The following GALNT10 variants were observed in gnomAD, a reference collection of about 807,000 sequenced individuals.
The protein encoded by GALNT10 is GalNAc transferase 10.
In GALNT10, 41 loss-of-function variants were observed where a neutral mutation model predicts 75.0. The observed-to-expected ratio is 0.55, with a 90% confidence interval of 0.43 to 0.71. The LOEUF is 0.71. Among genes scored for constraint, GALNT10 ranks in the 30% least tolerant of loss-of-function variants. The pLI is 0.00. For synonymous variants in GALNT10, 302 were observed against 313.0 expected (o/e 0.96, Z 0.37); for missense variants, 727 against 818.5 (o/e 0.89, Z 1.36).
At chr5:154,208,436 T>G (rs1775143288) in intron 1 of GALNT10, among the ~76,000 whole-genome samples, 1 of 152,258 alleles carries the variant, frequency 6.6e-6, no homozygotes, top group Non-Finnish European at 1.5e-5. Flanking sequence ...AGCTCTGCCC[T>G]TTACTAGCTG....
chr5:154,386,252 C>A, intron 6 of GALNT10, 61 bp from the exon 7 acceptor site: 2 of 1,198,112 alleles, frequency 1.7e-6, no homozygotes, highest in South Asian at 1.3e-5. Context: ...ATTATCGGGC[C>A]ACATGAGAGC....
At chr5:154,276,158 A>C (rs1420670790) in intron 1 of GALNT10, among the ~76,000 whole-genome samples, 1 of 152,208 alleles carries the variant, frequency 6.6e-6, no homozygotes, top group African/African-American at 2.4e-5. Context: ...AGGGTCTGAC[A>C]AGGCCAAAAT....
At chr5:154,386,850 C>CAA (rs1755816182) in intron 7 of GALNT10, 1 of 275,088 alleles carries the variant, frequency 3.6e-6, no homozygotes. Flanking sequence ...TCCCTTTGTA[C>CAA]CTGTTGCTCT....
chr5:154,355,054 T>C (rs1165324540), intron 4 of GALNT10, among the ~76,000 whole-genome samples: 2 of 152,230 alleles, frequency 1.3e-5, no homozygotes, highest in Non-Finnish European at 2.9e-5. Context: ...ATGATAGATG[T>C]AGAATGCCCC....
intron 4 of GALNT10, chr5:154,337,922 A>C: frequency 6.8e-7 from 1 of 1,466,818 alleles, no homozygotes. Flanking sequence ...GGCCATTCAC[A>C]GGATGGTATT....
chr5:154,197,809 G>A (rs539548913), intron 1 of GALNT10, among the ~76,000 whole-genome samples: 1 of 152,310 alleles, frequency 6.6e-6, no homozygotes, highest in African/African-American at 2.4e-5. Flanking sequence ...GTTGTAACCA[G>A]GTAGGAAAGA....
At position 154,403,449 on chromosome 5, in the gene GALNT10, A is replaced by G. The variant is rs140634200; in HGVS notation, c.1057-655A>G. ...AACCATCAGATCCCACACTGCGGCAAGACCCAGCTGCACAGCCTAGCAAGC... is the reference window on the plus strand; with the variant it reads ...AACCATCAGATCCCACACTGCGGCAGGACCCAGCTGCACAGCCTAGCAAGC... On this transcript the variant is annotated intron_variant, in intron 7 of 11. Transcript: ENST00000297107. 5.6e-4 allele frequency among the ~76,000 whole-genome samples: 86 copies of G among 152,368 alleles called. 1 individual carries two copies. In the East Asian group the frequency reaches 0.016, roughly 28 times the overall value.
chr5:154,410,662 G>T (rs1388776628), intron 9 of GALNT10, among the ~76,000 whole-genome samples: 14 of 152,174 alleles, frequency 9.2e-5, no homozygotes, highest in African/African-American at 3.4e-4. Flanking sequence ...CTTGTTGGTC[G>T]TTCCTGCTTC....
At chr5:154,276,821 G>A (rs1397975410) in intron 1 of GALNT10, among the ~76,000 whole-genome samples, 2 of 152,302 alleles carry the variant, frequency 1.3e-5, no homozygotes, top group Non-Finnish European at 2.9e-5. Flanking sequence ...TGTAAGCGGA[G>A]CGGGGATAGA....
At chr5:154,300,695 T>C (rs1159752931) in intron 3 of GALNT10, among the ~76,000 whole-genome samples, 1 of 152,218 alleles carries the variant, frequency 6.6e-6, no homozygotes, top group Non-Finnish European at 1.5e-5. Flanking sequence ...GAATCATTAG[T>C]GTTGCCTCAA....
intron 3 of GALNT10, among the ~76,000 whole-genome samples, chr5:154,299,532 C>G (rs748873810): frequency 5.9e-5 from 9 of 152,218 alleles, no homozygotes; most frequent in Non-Finnish European, 1.3e-4. Flanking sequence ...CCATAAAAGT[C>G]TTTCCACCTA....
chr5:154,221,240 G>A (rs1419005039), intron 1 of GALNT10, among the ~76,000 whole-genome samples: 21 of 152,218 alleles, frequency 1.4e-4, no homozygotes, highest in Non-Finnish European at 4.4e-5. Context: ...TGAATAGGTA[G>A]TTATGTCCCT....
intron 3 of GALNT10, among the ~76,000 whole-genome samples, chr5:154,308,595 C>T (rs180702275): frequency 2.1e-4 from 32 of 152,280 alleles, no homozygotes; most frequent in African/African-American, 7.7e-4. Context: ...CCTGTGCTCT[C>T]GGGCTCCTGC....
intron 1 of GALNT10, among the ~76,000 whole-genome samples, chr5:154,227,746 GT>G (rs371260942): frequency 0.014 from 2,047 of 144,704 alleles, 42 homozygotes; most frequent in East Asian, 0.091. Flanking sequence ...AAGTCCCAAG[GT>G]TTTTTTTTTT....
intron 5 of GALNT10, among the ~76,000 whole-genome samples, chr5:154,379,318 G>T (rs1755700683): frequency 6.6e-6 from 1 of 152,188 alleles, no homozygotes; most frequent in Admixed American, 6.5e-5. Flanking sequence ...CATTACAAAT[G>T]CACTTACAAT....
At chr5:154,286,119 T>C (rs1754107670) in intron 1 of GALNT10, among the ~76,000 whole-genome samples, 1 of 152,222 alleles carries the variant, frequency 6.6e-6, no homozygotes, top group Admixed American at 6.5e-5. Flanking sequence ...GGCCTGCCAC[T>C]GTAGCTTTTT....
intron 1 of GALNT10, among the ~76,000 whole-genome samples, chr5:154,264,895 T>C (rs1033264730): frequency 2.0e-5 from 3 of 152,204 alleles, no homozygotes; most frequent in African/African-American, 7.2e-5. Flanking sequence ...GGGCTCTTCA[T>C]GCCAACTGTC....
At chr5:154,272,096 C>G (rs1753875099) in intron 1 of GALNT10, among the ~76,000 whole-genome samples, 1 of 152,154 alleles carries the variant, frequency 6.6e-6, no homozygotes, top group East Asian at 1.9e-4. Flanking sequence ...CCTCTTCTGT[C>G]CCACCTGGTG....
rs192437440 is a variant in GALNT10 at position 154,353,434 on chromosome 5, T to G, written c.569-22843T>G. The stretch of plus-strand genomic sequence containing the variant: ...AAAGCTGCAAAAAGGACTTTCGTCC[T>G]CAGCACCCCACCTTCCAAGGGGAGC... On this transcript the variant is annotated intron_variant, in intron 4 of 11. Coordinates refer to ENST00000297107, the MANE Select transcript of GALNT10 (RefSeq NM_198321.4). 3.9e-5 allele frequency among the ~76,000 whole-genome samples: 6 copies of G among 152,032 alleles called. No homozygotes were observed. The East Asian group carries it at 1.2e-3, about 29-fold the overall frequency.
Sources: gnomAD v4.1 joint callset for allele counts (sites outside exome capture counted in the v4.1 genomes callset) on GRCh38, gnomAD v4.1.1 for gene constraint, MANE v1.5 for transcripts, NCBI Gene and HGNC (gene_info 2026-07-23, HGNC 2026-07-21) for gene names.